CDRT4: variants seen among roughly 807,000 people sequenced by gnomAD.
CDRT4 encodes the protein CMT1A duplicated region transcript 4.
For missense variants in CDRT4, 167 were observed against 193.1 expected, an observed-to-expected ratio of 0.87 and a Z score of 0.80; for synonymous variants, 64 against 69.6, an observed-to-expected ratio of 0.92 and a Z score of 0.40.
intron 1 of CDRT4, among the ~76,000 whole-genome samples, chr17:15,454,897 G>A (rs1417994483): frequency 6.6e-6 from 1 of 152,164 alleles, no homozygotes; most frequent in Non-Finnish European, 1.5e-5. Context: ...TCCAATTGAT[G>A]TAAGTAAAAG....
At chr17:15,458,545 C>T (rs2906978) in intron 1 of CDRT4, among the ~76,000 whole-genome samples, 11,648 of 152,076 alleles carry the variant, frequency 0.077, 1,012 homozygotes, top group East Asian at 0.45. Context: ...AGAGGCAAGT[C>T]GGGTCATTGT....
intron 1 of CDRT4, among the ~76,000 whole-genome samples, chr17:15,457,582 C>G (rs1053458920): frequency 6.6e-6 from 1 of 152,228 alleles, no homozygotes; most frequent in African/African-American, 2.4e-5. Context: ...GGAGCTGCAA[C>G]GTGGAGCCAG....
At chr17:15,460,359 C>T (rs1200324306) in intron 1 of CDRT4, among the ~76,000 whole-genome samples, 4 of 151,712 alleles carry the variant, frequency 2.6e-5, no homozygotes, top group Non-Finnish European at 1.5e-5. Context: ...TTAAATCCTT[C>T]GTTCTCTTTA....
rs2150783094 is a variant in CDRT4 at position 15,437,808 on chromosome 17, G to A, written c.424C>T (p.Pro142Ser). 1 of 1,614,152 alleles carries A rather than the reference G, an allele frequency of 6.2e-7. No individual in the cohort carries two copies. The highest frequency in any genetic ancestry group is 1.1e-5 in the South Asian group (1 of 91,082). Residue 142 changes from proline to serine, a missense_variant, in exon 4 of 4, where the codon CCT becomes TCT. Pro to Ser is a moderately conservative substitution (Grantham distance 74). Transcript: ENST00000619038. ...ACTGTAGGGAGCATCCTCATCATAG[G>A]CTTGCGGGCAAAGATGATCTTGTTA... is the stretch of plus-strand genomic sequence containing the variant. ...NYNKIIFARK[P>S]MMRMLPTVRY
At position 15,464,005 on chromosome 17, in the gene CDRT4, T is replaced by C. The variant is rs1406053599; in HGVS notation, c.-130+3455A>G. 6.6e-6 allele frequency among the ~76,000 whole-genome samples: 1 copy of C among 151,790 alleles called. No individual in the cohort carries two copies. Among genetic ancestry groups the C allele is most frequent in the Admixed American group, 6.6e-5 (1 of 15,254 alleles). ...TTCAAAGGTCAAGCAAGTAACAGAG[T>C]CAGAAGTCAGACAGAGCACGGGGAC... On this transcript the variant is annotated intron_variant, in intron 1 of 3. Coordinates refer to ENST00000619038, the MANE Select transcript of CDRT4 (RefSeq NM_001204477.2). The surrounding 1 kb of genome is among the most constrained non-coding windows in gnomAD (Gnocchi z 4.5).
chr17:15,444,959 G>A (rs569586497), intron 2 of CDRT4, among the ~76,000 whole-genome samples: 16 of 152,272 alleles, frequency 1.1e-4, no homozygotes, highest in South Asian at 4.2e-4. Flanking sequence ...AACTGTGGCC[G>A]CCATGGGACT....
intron 2 of CDRT4, among the ~76,000 whole-genome samples, chr17:15,449,147 A>C (rs140126408): frequency 6.6e-6 from 1 of 152,352 alleles, no homozygotes; most frequent in East Asian, 1.9e-4. Context: ...CTCAGCAACT[A>C]AACTTGGTGA....
At chr17:15,453,525 G>A (rs998149721) in intron 1 of CDRT4, among the ~76,000 whole-genome samples, 1 of 152,164 alleles carries the variant, frequency 6.6e-6, no homozygotes, top group Admixed American at 6.5e-5. Flanking sequence ...TTCATGGAGC[G>A]TGTTCTGTGG....
rs116541471 is a variant in CDRT4 at position 15,458,221 on chromosome 17, G to A, written c.-129-5136C>T. 5.6e-3 allele frequency among the ~76,000 whole-genome samples: 859 copies of A among 152,288 alleles called. 5 individuals are homozygous for A. The highest frequency in any genetic ancestry group is 0.02 in the African/African-American group (824 of 41,546). ...CCTGTTTCCTCTGGCTCTGGAGGGT[G>A]GAGAGGAAGGACTTGCTTTACCCAG... On this transcript the variant is annotated intron_variant, in intron 1 of 3. Coordinates refer to ENST00000619038, the MANE Select transcript of CDRT4 (RefSeq NM_001204477.2).
chr17:15,461,695 C>T (rs562137275), intron 1 of CDRT4, among the ~76,000 whole-genome samples: 1 of 152,320 alleles, frequency 6.6e-6, no homozygotes, highest in East Asian at 1.9e-4. Flanking sequence ...GGACCATTTT[C>T]TTGCCACAGA....
At chr17:15,441,033 A>T (rs1407032311) in intron 2 of CDRT4, among the ~76,000 whole-genome samples, 1 of 152,156 alleles carries the variant, frequency 6.6e-6, no homozygotes, top group African/African-American at 2.4e-5. Context: ...AGTCCAGGAG[A>T]TCTTTTTGGT....
intron 2 of CDRT4, among the ~76,000 whole-genome samples, chr17:15,440,526 C>G (rs1251454228): frequency 6.6e-6 from 1 of 152,084 alleles, no homozygotes; most frequent in African/African-American, 2.4e-5. Flanking sequence ...TCTGGGTGTT[C>G]TGCTTTCCAG....
chr17:15,466,223 A>G (rs554338494), intron 1 of CDRT4, among the ~76,000 whole-genome samples: 3 of 152,266 alleles, frequency 2.0e-5, no homozygotes, highest in Non-Finnish European at 4.4e-5. Flanking sequence ...TGCGTCACCT[A>G]TCTGCCTCTC....
At chr17:15,465,242 GACAC>G (rs1259205209) in intron 1 of CDRT4, among the ~76,000 whole-genome samples, 1 of 94,444 alleles carries the variant, frequency 1.1e-5, no homozygotes, top group Non-Finnish European at 1.8e-5. Flanking sequence ...ACACACAACA[GACAC>G]ACACCAACAC....
chr17:15,442,300 C>A (rs1978800105), intron 2 of CDRT4, among the ~76,000 whole-genome samples: 1 of 151,894 alleles, frequency 6.6e-6, no homozygotes, highest in Admixed American at 6.6e-5. Flanking sequence ...ATCCCAGCTG[C>A]TCAGGAGGCT....
chr17:15,447,725 C>T (rs1363337832), intron 2 of CDRT4, among the ~76,000 whole-genome samples: 1 of 152,178 alleles, frequency 6.6e-6, no homozygotes, highest in African/African-American at 2.4e-5. Context: ...TGGTCATTAT[C>T]TATTGATCTA....
In CDRT4 at chr17:15,462,949, A is replaced by G. The variant is rs567136964; in HGVS notation, c.-130+4511T>C. The stretch of plus-strand genomic sequence containing the variant: ...GATGTAAGCTGTATGCCTCGCTTTG[A>G]GCACTTCATATTTCAAATTTGTTTT... On this transcript the variant is annotated intron_variant, in intron 1 of 3. Coordinates refer to ENST00000619038, the MANE Select transcript of CDRT4 (RefSeq NM_001204477.2). Among the ~76,000 whole-genome samples the G allele has an allele frequency of 1.3e-4, 20 of 152,252 alleles. No homozygotes were observed. The South Asian group carries it at 3.5e-3, about 27-fold the overall frequency.
In CDRT4 at chr17:15,463,261, G is replaced by A. The variant is rs187114269; in HGVS notation, c.-130+4199C>T. On this transcript the variant is annotated intron_variant, in intron 1 of 3. Transcript: ENST00000619038. ...GGCTGAAATTTTGGATCACTGGGCC[G>A]GGGTGGAGAACGCAAAGCCTGGAGA... Among the ~76,000 whole-genome samples, 93 of 152,140 alleles carry A rather than the reference G, an allele frequency of 6.1e-4. 1 individual carries two copies. The highest frequency in any genetic ancestry group is 3.7e-3 in the Admixed American group (57 of 15,284).
At chr17:15,444,577 G>C (rs1361152708) in intron 2 of CDRT4, among the ~76,000 whole-genome samples, 1 of 152,104 alleles carries the variant, frequency 6.6e-6, no homozygotes, top group Non-Finnish European at 1.5e-5. Flanking sequence ...AAAGAACCGG[G>C]CGCGGTGGCT....
Sources: gnomAD v4.1 joint callset for allele counts (sites outside exome capture counted in the v4.1 genomes callset) on GRCh38, gnomAD v4.1.1 for gene constraint, Gnocchi (gnomAD v3.1) non-coding constraint, MANE v1.5 for transcripts, NCBI Gene and HGNC (gene_info 2026-07-23, HGNC 2026-07-21) for gene names.